The following GIN1 variants were observed in gnomAD, a reference collection of about 807,000 sequenced individuals.
GIN1 encodes gypsy retrotransposon integrase-like protein 1.
Under a neutral mutation model 51.4 loss-of-function variants are expected in GIN1, and 41 were observed. The observed-to-expected ratio is 0.80, with a 90% CI of 0.62 to 1.04. The LOEUF (loss-of-function observed/expected upper bound fraction) is 1.04, where lower values mean the gene tolerates loss of function less well. Ranked by LOEUF, GIN1 falls within the 50% of genes least tolerant of loss-of-function variation. The probability of loss-of-function intolerance (pLI) is 0.00; values close to 1 mark genes in which losing one functional copy is unlikely to be tolerated. For missense variants in GIN1, 610 were observed against 612.4 expected (o/e 1.00, Z 0.04); for synonymous variants, 222 against 206.5 (o/e 1.07, Z -0.64).
chr5:103,106,363 C>T (rs34827), intron 3 of GIN1, among the ~76,000 whole-genome samples: 2,609 of 152,196 alleles, frequency 0.017, 37 homozygotes, highest in Non-Finnish European at 0.03. Flanking sequence ...AACATATTCT[C>T]CCCTTAAGAA....
chr5:103,105,238 A>G (rs1481909654), intron 3 of GIN1, among the ~76,000 whole-genome samples: 4 of 152,150 alleles, frequency 2.6e-5, no homozygotes, highest in Non-Finnish European at 5.9e-5. Context: ...CTTCGGTATG[A>G]GTAGATTTGG....
At chr5:103,107,339 AT>A (rs3214439) in intron 2 of GIN1, among the ~76,000 whole-genome samples, 36,681 of 151,892 alleles carry the variant, frequency 0.24, 5,066 homozygotes, top group East Asian at 0.45. Context: ...TCATCACTGT[AT>A]TTTTGCAAGC....
chr5:103,096,423 A>G lies in GIN1; in HGVS notation c.1294+118T>C, dbSNP rs546490642. The G allele has an allele frequency of 4.0e-5, 32 of 790,188 alleles. 1 individual carries two copies. In the South Asian group the frequency reaches 5.8e-4, roughly 14 times the overall value. 48.9% of individuals were successfully genotyped at this position (790,188 alleles called of 1,614,324 possible). On this transcript the variant is annotated intron_variant, in intron 7 of 7. Transcript: ENST00000399004. ...TACCTGGGATAGCTAAAACTGTAAC[A>G]AATTTTATGAAGAAGGGAAAAGAAA...
chr5:103,095,013 A>G (rs1008753440), intron 7 of GIN1, among the ~76,000 whole-genome samples: 3 of 152,248 alleles, frequency 2.0e-5, no homozygotes, highest in Non-Finnish European at 2.9e-5. Flanking sequence ...GAGTTGAGCT[A>G]TCATTACTAA....
intron 4 of GIN1, among the ~76,000 whole-genome samples, chr5:103,104,183 G>A (rs950042794): frequency 6.6e-6 from 1 of 152,024 alleles, no homozygotes; most frequent in Admixed American, 6.6e-5. Context: ...GAACTCCTGA[G>A]CTCAAGTGAT....
rs782163658 is a variant in GIN1 at position 103,096,707 on chromosome 5, A to G, written c.1128T>C (p.Asn376=). The G allele has an allele frequency of 3.7e-6, 6 of 1,613,952 alleles. No individual in the cohort carries two copies. The highest frequency in any genetic ancestry group is 4.5e-5 in the East Asian group (2 of 44,876). Residue 376 remains asparagine (N), a synonymous_variant, in exon 7 of 8, where the codon AAT becomes AAC. Coordinates refer to ENST00000399004, the MANE Select transcript of GIN1 (RefSeq NM_017676.2). Reference sequence around the variant, plus strand: ...ACTGAAAACGACCATCCTTCCACCAATTTTTCCTTTGTCTTAAAACTTCAT... The same window carrying G: ...ACTGAAAACGACCATCCTTCCACCAGTTTTTCCTTTGTCTTAAAACTTCAT... ...VGHEVLRQRK[N]WWKDGRFQSE... is the part of the protein sequence containing the mutation.
Position 103,087,900 on chromosome 5 carries a change from A to G in GIN1, c.1567T>C (p.Ter523GlnextTer1). 7.2e-7 allele frequency: 1 copy of G among 1,396,236 alleles called. No individual in the cohort carries two copies. The highest frequency in any genetic ancestry group is 1.4e-5 in the South Asian group (1 of 73,418). The allele number at this position is 1,396,236 out of a possible 1,614,324, so 86.5% of individuals were successfully genotyped here. Residue 523 changes from the stop codon to glutamine (Q), a stop_lost, in exon 8 of 8, where the codon TAG becomes CAG. Coordinates refer to ENST00000399004, the MANE Select transcript of GIN1 (RefSeq NM_017676.2). The stretch of plus-strand genomic sequence containing the variant: ...ATTTAAATAAATTTTGGTATTTACT[A>G]ACTTAAGTATTCAAGAACCTGGTTT... ...SSNQVLEYLS[*>Q]
At chr5:103,115,769 G>C in intron 1 of GIN1, among the ~76,000 whole-genome samples, 1 of 152,048 alleles carries the variant, frequency 6.6e-6, no homozygotes. Flanking sequence ...AACCCAAAAA[G>C]TTTAATGCTA....
Position 103,104,609 on chromosome 5 carries a change from T to C in GIN1, c.571A>G (p.Asn191Asp), listed in dbSNP as rs782067970. ...GGAGGTCCATATAAGAAAAATATAT[T>C]GATAATAGCTTTAGAAACTTCTGAT... ...SASEVSKAII[N>D]IFFLYGPPQK... Residue 191 changes from asparagine (N) to aspartate (D), a missense_variant, in exon 4 of 8, where the codon AAT (asparagine) becomes GAT (aspartate). Transcript: ENST00000399004. 11 of 1,572,178 alleles carry C rather than the reference T, an allele frequency of 7.0e-6. No homozygotes were observed. The Admixed American group carries it at 1.7e-4, about 24-fold the overall frequency.
chr5:103,106,655 TA>T, intron 3 of GIN1, 60 bp downstream of exon 3: 1 of 1,007,444 alleles, frequency 9.9e-7, no homozygotes, highest in Non-Finnish European at 1.5e-6. Context: ...GGAGAAATAA[TA>T]AATTTTAAGT....
In GIN1 at chr5:103,097,677, T is replaced by A; in HGVS notation, c.744A>T (p.Ala248=). 6.2e-7 allele frequency: 1 copy of A among 1,606,304 alleles called. No homozygotes were observed. The highest frequency in any genetic ancestry group is 8.5e-7 in the Non-Finnish European group (1 of 1,172,894). ...GGTCAGCACAGTGTTTGGAGAGAAA[T>A]GCTTTGATTGTGTTAGGTGTACTTT... The part of the protein sequence containing the change: ...PTESTPNTIK[A]FLSKHCADHP... Residue 248 remains alanine (A), a synonymous_variant, in exon 5 of 8, where the codon GCA becomes GCT. Transcript: ENST00000399004.
chr5:103,094,482 A>T (rs1554194819), intron 7 of GIN1, among the ~76,000 whole-genome samples: 2 of 152,142 alleles, frequency 1.3e-5, no homozygotes, highest in Non-Finnish European at 2.9e-5. Context: ...TATGAGGCAA[A>T]TATTATACTG....
At chr5:103,114,311 G>A (rs1463813399) in intron 1 of GIN1, among the ~76,000 whole-genome samples, 1 of 152,238 alleles carries the variant, frequency 6.6e-6, no homozygotes, top group African/African-American at 2.4e-5. Context: ...GGAAGCTACT[G>A]TATAATTAAA....
chr5:103,098,935 A>G (rs1483648212), intron 4 of GIN1, among the ~76,000 whole-genome samples: 4 of 152,224 alleles, frequency 2.6e-5, no homozygotes, highest in African/African-American at 9.6e-5. Flanking sequence ...TGAGTTTACA[A>G]AACTTTTAAC....
chr5:103,103,775 A>T (rs779225199), intron 4 of GIN1, among the ~76,000 whole-genome samples: 91 of 152,200 alleles, frequency 6.0e-4, no homozygotes, highest in Non-Finnish European at 1.1e-3. Flanking sequence ...TTACCTGTCA[A>T]TCATAGTGTT....
chr5:103,110,929 T>C (rs1030240090), intron 1 of GIN1, among the ~76,000 whole-genome samples: 2 of 152,174 alleles, frequency 1.3e-5, no homozygotes, highest in African/African-American at 2.4e-5. Flanking sequence ...TTTCAAACCA[T>C]CTGTGGTGAA....
Position 103,100,933 on chromosome 5 carries a change from A to G in GIN1, c.640-3152T>C, listed in dbSNP as rs186048961. Among the ~76,000 whole-genome samples the G allele has an allele frequency of 2.3e-3, 355 of 152,306 alleles. 2 individuals carry two copies. The highest frequency in any genetic ancestry group is 8.4e-3 in the African/African-American group (348 of 41,564). On this transcript the variant is annotated intron_variant, in intron 4 of 7. Coordinates refer to ENST00000399004, the MANE Select transcript of GIN1 (RefSeq NM_017676.2). Reference sequence around the variant, plus strand: ...GCCTAATTTCCTATCAGATCTGATAACTATAGTCTCCCTTTACCTTCAGAG... The same window carrying G: ...GCCTAATTTCCTATCAGATCTGATAGCTATAGTCTCCCTTTACCTTCAGAG...
chr5:103,117,373 A>G (rs1477190621), intron 1 of GIN1, among the ~76,000 whole-genome samples: 2 of 9,126 alleles, frequency 2.2e-4, no homozygotes, highest in South Asian at 7.6e-3. Context: ...AAAAATTAAA[A>G]ATTTTAAAAA....
At chr5:103,094,491 T>C (rs1003785169) in intron 7 of GIN1, among the ~76,000 whole-genome samples, 2 of 152,198 alleles carry the variant, frequency 1.3e-5, no homozygotes, top group African/African-American at 2.4e-5. Context: ...AATATTATAC[T>C]GCCTCTGTTT....
Sources: allele counts gnomAD v4.1 joint callset (sites outside exome capture counted in the v4.1 genomes callset), GRCh38; gene constraint gnomAD v4.1.1; transcripts MANE v1.5; gene names NCBI Gene and HGNC (gene_info 2026-07-23, HGNC 2026-07-21).